TESC: variants seen among roughly 807,000 people sequenced by gnomAD.
TESC encodes the protein tescalcin, also known as calcineurin B homologous protein 3.
Under a neutral mutation model 31.0 loss-of-function variants are expected in TESC, and 19 were observed. The ratio of observed to expected loss-of-function variants is 0.61; its 90% CI spans 0.43 to 0.90. The LOEUF is 0.90. Among genes scored for constraint, TESC ranks in the 40% least tolerant of loss-of-function variants. The probability of loss-of-function intolerance (pLI) is 0.00; values close to 1 mark genes in which losing one functional copy is unlikely to be tolerated. For synonymous variants in TESC, 109 were observed against 114.8 expected (o/e 0.95, Z 0.32); for missense variants, 248 against 303.8 (o/e 0.82, Z 1.36).
intron 3 of TESC, among the ~76,000 whole-genome samples, 175 bp downstream of exon 3, chr12:117,056,631 G>A (rs759858964): frequency 2.6e-5 from 4 of 152,144 alleles, no homozygotes; most frequent in Non-Finnish European, 4.4e-5. Context: ...CAGCCCAGTC[G>A]CCCAGCTATG....
At chr12:117,082,060 C>CAA (rs61375772) in intron 1 of TESC, among the ~76,000 whole-genome samples, 3,899 of 119,026 alleles carry the variant, frequency 0.033, 225 homozygotes, top group African/African-American at 0.11. Flanking sequence ...CCCATCTATA[C>CAA]AAAAAAAAAA....
intron 1 of TESC, among the ~76,000 whole-genome samples, chr12:117,082,960 G>A (rs1303585514): frequency 6.6e-6 from 1 of 151,538 alleles, no homozygotes; most frequent in African/African-American, 2.4e-5. Flanking sequence ...AGGCTATAGA[G>A]AAACTGAAAC....
intron 2 of TESC, among the ~76,000 whole-genome samples, chr12:117,062,130 C>T (rs981017922): frequency 2.0e-5 from 3 of 152,122 alleles, no homozygotes; most frequent in African/African-American, 7.2e-5. Flanking sequence ...CCTACGTACC[C>T]TCAAAATGGA....
intron 1 of TESC, among the ~76,000 whole-genome samples, chr12:117,093,510 T>C (rs897661567): frequency 1.1e-4 from 16 of 152,360 alleles, no homozygotes; most frequent in African/African-American, 3.6e-4. Context: ...CCCCCTGCCT[T>C]GGCCTCCCAA....
chr12:117,077,521 C>T (rs972522735), intron 1 of TESC, among the ~76,000 whole-genome samples: 7 of 152,236 alleles, frequency 4.6e-5, no homozygotes, highest in African/African-American at 1.4e-4. Context: ...AAACTACCCA[C>T]ATGCCCAACA....
chr12:117,075,869 A>ATATGTGTG (rs1955049402), intron 1 of TESC, among the ~76,000 whole-genome samples: 1 of 31,442 alleles, frequency 3.2e-5, no homozygotes, highest in African/African-American at 8.3e-5. Context: ...ATATATATAT[A>ATATGTGTG]TGTGTGTATA....
At chr12:117,087,830 G>C (rs985942680) in intron 1 of TESC, among the ~76,000 whole-genome samples, 1 of 152,188 alleles carries the variant, frequency 6.6e-6, no homozygotes, top group Non-Finnish European at 1.5e-5. Flanking sequence ...GTGACAGAGC[G>C]AGACTCTGTC....
At chr12:117,098,689 C>T (rs114154143) in intron 1 of TESC, 1 of 152,320 alleles carries the variant, frequency 6.6e-6, no homozygotes, top group South Asian at 2.1e-4. Flanking sequence ...CCCAGCCACC[C>T]GCGGGGATGA....
intron 1 of TESC, among the ~76,000 whole-genome samples, chr12:117,075,909 A>ATGTGTGTGTG (rs1296967139): frequency 4.9e-5 from 3 of 61,300 alleles, no homozygotes; most frequent in Non-Finnish European, 8.3e-5. Context: ...ATATATATAT[A>ATGTGTGTGTG]TATATGTGTG....
chr12:117,075,631 C>G (rs1158261744), intron 1 of TESC, among the ~76,000 whole-genome samples: 1 of 151,556 alleles, frequency 6.6e-6, no homozygotes, highest in East Asian at 1.9e-4. Context: ...ATTCTCCCAG[C>G]CTCTGACCTT....
intron 1 of TESC, among the ~76,000 whole-genome samples, chr12:117,079,487 G>A (rs553042190): frequency 3.9e-5 from 6 of 152,138 alleles, no homozygotes; most frequent in Admixed American, 2.0e-4. Flanking sequence ...ACTTGAACCC[G>A]GGAGGCGGAG....
chr12:117,068,297 A>AG (rs1954915015), intron 2 of TESC, among the ~76,000 whole-genome samples: 2 of 152,130 alleles, frequency 1.3e-5, no homozygotes, highest in Non-Finnish European at 2.9e-5. Flanking sequence ...TGGGAGGCCG[A>AG]GGCGGGTGGA....
chr12:117,053,188 T>G (rs1954673437), intron 3 of TESC, among the ~76,000 whole-genome samples: 1 of 152,244 alleles, frequency 6.6e-6, no homozygotes, highest in African/African-American at 2.4e-5. Context: ...GCACCACGCC[T>G]GTGCCAGTCC....
At chr12:117,084,944 G>A (rs1366976909) in intron 1 of TESC, among the ~76,000 whole-genome samples, 3 of 152,256 alleles carry the variant, frequency 2.0e-5, no homozygotes, top group Non-Finnish European at 4.4e-5. Context: ...GGTTTGCTAG[G>A]TGCTTGCTAG....
intron 2 of TESC, among the ~76,000 whole-genome samples, chr12:117,060,929 G>A (rs1320843773): frequency 6.6e-6 from 1 of 152,208 alleles, no homozygotes; most frequent in Non-Finnish European, 1.5e-5. Flanking sequence ...TTCACTGGCT[G>A]TTGCTAATCC....
At chr12:117,083,222 G>C (rs1214530880) in intron 1 of TESC, among the ~76,000 whole-genome samples, 1 of 152,126 alleles carries the variant, frequency 6.6e-6, no homozygotes. Flanking sequence ...GCACTGGGTG[G>C]CATGTGCCAC....
At chr12:117,073,378 G>T (rs979054132) in intron 2 of TESC, among the ~76,000 whole-genome samples, 1 of 152,194 alleles carries the variant, frequency 6.6e-6, no homozygotes, top group Non-Finnish European at 1.5e-5. Flanking sequence ...AAGATGTCTA[G>T]AATTAAAGGT....
rs578178035 is a variant in TESC at position 117,093,466 on chromosome 12, A to G, written c.58+5759T>C. On this transcript the variant is annotated intron_variant, in intron 1 of 7. Transcript: ENST00000335209. ...AGTCTCGCACTGTCACCCAAGCTGG[A>G]GTGCAGTGGCACCAACTCCTGGGCT... 5.3e-5 allele frequency among the ~76,000 whole-genome samples: 8 copies of G among 152,306 alleles called. No individual in the cohort carries two copies. The South Asian group carries it at 1.7e-3, about 32-fold the overall frequency.
chr12:117,067,820 G>A (rs1035168131), intron 2 of TESC, among the ~76,000 whole-genome samples: 1 of 152,206 alleles, frequency 6.6e-6, no homozygotes, highest in Admixed American at 6.5e-5. Context: ...GAGACCATGT[G>A]AGCGTTGAGC....
Sources: allele counts gnomAD v4.1 joint callset (sites outside exome capture counted in the v4.1 genomes callset), GRCh38; gene constraint gnomAD v4.1.1; transcripts MANE v1.5; gene names NCBI Gene and HGNC (gene_info 2026-07-23, HGNC 2026-07-21).